Variants in IQCH observed in about 807,000 individuals in gnomAD.
IQCH encodes IQ domain-containing protein H.
A neutral mutation model predicts 117.0 loss-of-function variants in IQCH; 98 were observed. The observed-to-expected ratio is 0.84, with a 90% CI of 0.71 to 0.99. The LOEUF (loss-of-function observed/expected upper bound fraction) is 0.99. Among genes scored for constraint, IQCH ranks in the 50% least tolerant of loss-of-function variants. IQCH has a pLI of 0.00. For synonymous variants in IQCH, 412 were observed against 448.2 expected, an observed-to-expected ratio of 0.92 and a Z score of 1.02; for missense variants, 1,102 against 1,243.8, an observed-to-expected ratio of 0.89 and a Z score of 1.72.
chr15:67,381,979 C>CAA lies in IQCH; in HGVS notation c.1373-2945_1373-2944dup, dbSNP rs35152038. Among the ~76,000 whole-genome samples, 581 of 142,528 alleles carry CAA rather than the reference C, an allele frequency of 4.1e-3. 4 individuals are homozygous for CAA. Among genetic ancestry groups the CAA allele is most frequent in the African/African-American group, 0.013 (498 of 38,360 alleles). The allele number at this position is 142,528 out of a possible 152,430, so 93.5% of individuals were successfully genotyped here. A position where few individuals can be genotyped will look rare whatever the true frequency, so the allele number is the denominator to read the frequency against. On this transcript the variant is annotated intron_variant, in intron 10 of 20. Coordinates refer to ENST00000335894, the MANE Select transcript of IQCH (RefSeq NM_001031715.3). This position sits in a 1 kb window ranked among gnomAD's most constrained non-coding sequence, Gnocchi z 5.1. ...CCTGGGCAACAGAGTGATACCCTGT[C>CAA]AAAAAAAAAAAAAGAATTAAAAGAT...
At chr15:67,418,815 T>G (rs2081646867) in intron 15 of IQCH, among the ~76,000 whole-genome samples, 1 of 151,862 alleles carries the variant, frequency 6.6e-6, no homozygotes, top group Non-Finnish European at 1.5e-5. Flanking sequence ...TGACCTAAGG[T>G]GATCCGCCCG....
At chr15:67,371,978 G>A (rs1970549475) in intron 8 of IQCH, 133 bp from the exon 9 acceptor site, 1 of 762,028 alleles carries the variant, frequency 1.3e-6, no homozygotes, top group Non-Finnish European at 2.1e-6. Context: ...TGACGTGTGT[G>A]TTAAATCAGT....
rs1966256631 is a variant in IQCH, at chr15:67,279,385, TCTTA to T, written c.270-5_270-2del. 1.4e-6 allele frequency: 2 copies of T among 1,398,658 alleles called. No homozygotes were observed. The highest frequency in any genetic ancestry group is 1.0e-6 in the Non-Finnish European group (1 of 996,262). The allele number at this position is 1,398,658 out of a possible 1,614,324, so 86.6% of individuals were successfully genotyped here. On this transcript the variant is annotated splice_region_variant and splice_polypyrimidine_tract_variant and intron_variant, in intron 3 of 20. Coordinates refer to ENST00000335894, the MANE Select transcript of IQCH (RefSeq NM_001031715.3). ...AAATTTGATTTTAAATTCCATTTCT[TCTTA>T]CTTAGGTTACTTCCAACTGTAATTG...
In IQCH at chr15:67,372,212, A is replaced by T; in HGVS notation, c.855A>T (p.Leu285Phe). 1 of 1,614,112 alleles carries T rather than the reference A, an allele frequency of 6.2e-7. No individual in the cohort carries two copies. Among genetic ancestry groups the T allele is most frequent in the South Asian group, 1.1e-5 (1 of 91,080 alleles). Residue 285 changes from leucine (L) to phenylalanine (F), a missense_variant, in exon 9 of 21, where the codon TTA (leucine) becomes TTT (phenylalanine). Leu to Phe is a conservative substitution (Grantham distance 22). Around this residue, in one of 2 missense-constraint regions of IQCH, gnomAD observed 452 missense variants for 449.6 expected, o/e 1.01. Transcript: ENST00000335894. ...TAGACAATACAGCCCCAGACTTCTT[A>T]GCATTCAAGGAACATTTTAGCTTAG... Reference protein sequence around the residue: ...GVIDNTAPDFLAFKEHFSLAW... With the variant: ...GVIDNTAPDFFAFKEHFSLAW...
intron 4 of IQCH, among the ~76,000 whole-genome samples, chr15:67,283,683 A>T (rs537183875): frequency 6.6e-6 from 1 of 152,234 alleles, no homozygotes; most frequent in East Asian, 1.9e-4. Flanking sequence ...CCATTTCATT[A>T]TATATCCATT....
chr15:67,289,733 T>G (rs574048346), intron 4 of IQCH, among the ~76,000 whole-genome samples: 1 of 152,144 alleles, frequency 6.6e-6, no homozygotes, highest in African/African-American at 2.4e-5. Flanking sequence ...TTTGCTCTTA[T>G]CAACATTTAG....
chr15:67,482,048 A>T (rs184597968), intron 18 of IQCH, among the ~76,000 whole-genome samples: 11 of 152,344 alleles, frequency 7.2e-5, no homozygotes, highest in Non-Finnish European at 1.5e-4. Flanking sequence ...ACATGGCAAG[A>T]TCCCATCTCT....
chr15:67,438,118 G>T (rs571499721), intron 16 of IQCH, among the ~76,000 whole-genome samples: 1 of 152,134 alleles, frequency 6.6e-6, no homozygotes, highest in African/African-American at 2.4e-5. Context: ...AATTTAAGAC[G>T]AAGGAAAGAA....
At chr15:67,410,165 T>A (rs1041093804) in intron 14 of IQCH, among the ~76,000 whole-genome samples, 8 of 152,224 alleles carry the variant, frequency 5.3e-5, no homozygotes, top group African/African-American at 1.7e-4. Flanking sequence ...GATACACAGG[T>A]TGATTCCCCC....
Position 67,427,441 on chromosome 15 carries a change from C to T in IQCH, c.2505+5864C>T, listed in dbSNP as rs1221637142. On this transcript the variant is annotated intron_variant, in intron 16 of 20. Transcript: ENST00000335894. This position sits in a 1 kb window ranked among gnomAD's most constrained non-coding sequence, Gnocchi z 4.7. Reference sequence around the variant, plus strand: ...ATGTTGCCCAGGCTGGTTTTGAACTCCTGGCCTTGAGCCATCCTCCTGCCT... The same window carrying T: ...ATGTTGCCCAGGCTGGTTTTGAACTTCTGGCCTTGAGCCATCCTCCTGCCT... 6.6e-6 allele frequency among the ~76,000 whole-genome samples: 1 copy of T among 151,534 alleles called. No homozygotes were observed. The highest frequency in any genetic ancestry group is 1.5e-5 in the Non-Finnish European group (1 of 67,876).
At position 67,479,234 on chromosome 15, in the gene IQCH, A is replaced by C. The variant is rs969141764; in HGVS notation, c.2799+3416A>C. Among the ~76,000 whole-genome samples, 1 of 152,200 alleles carries C rather than the reference A, an allele frequency of 6.6e-6. No individual in the cohort carries two copies. Among genetic ancestry groups the C allele is most frequent in the African/African-American group, 2.4e-5 (1 of 41,446 alleles). On this transcript the variant is annotated intron_variant, in intron 18 of 20. Transcript: ENST00000335894. This position sits in a 1 kb window ranked among gnomAD's most constrained non-coding sequence, Gnocchi z 4.6. The stretch of plus-strand genomic sequence containing the variant: ...CTCATTTATTCTTCATGCCTGTCCT[A>C]TAAGAAGGTGTTATTTCTACCATAT...
At chr15:67,470,306 TAGCTGGGACTAC>T (rs1176439382) in intron 17 of IQCH, among the ~76,000 whole-genome samples, 4 of 152,218 alleles carry the variant, frequency 2.6e-5, no homozygotes, top group Admixed American at 6.5e-5. Context: ...GCCTCCCGAG[TAGCTGGGACTAC>T]AGGCGCCCGC....
chr15:67,302,888 ATGCTATT>A, intron 4 of IQCH, among the ~76,000 whole-genome samples: 1 of 152,126 alleles, frequency 6.6e-6, no homozygotes, highest in Non-Finnish European at 1.5e-5. Context: ...ACAAAAAACC[ATGCTATT>A]AAAAAGTAAA....
rs146549082 is a variant in IQCH, at chr15:67,418,023, CT to C, written c.2218+976del. Among the ~76,000 whole-genome samples, 89 of 152,268 alleles carry C rather than the reference CT, an allele frequency of 5.8e-4. 6 individuals carry two copies. In the East Asian group the frequency reaches 6.0e-3, roughly 10 times the overall value. ...ACTCTTCTAAGTATATCTATGTTAA[CT>C]TTTCAAAGCTTCCTACCCATCCTAT... On this transcript the variant is annotated intron_variant, in intron 15 of 20. Coordinates refer to ENST00000335894, the MANE Select transcript of IQCH (RefSeq NM_001031715.3).
chr15:67,298,827 C>T (rs1966883067), intron 4 of IQCH, among the ~76,000 whole-genome samples: 1 of 151,806 alleles, frequency 6.6e-6, no homozygotes, highest in Admixed American at 6.6e-5. Flanking sequence ...GATTGTGCCA[C>T]TGTGCTCCAG....
chr15:67,338,239 C>CTATCTATCTATCTATCTATT (rs756279870), intron 5 of IQCH, among the ~76,000 whole-genome samples: 1 of 149,842 alleles, frequency 6.7e-6, no homozygotes, highest in African/African-American at 2.5e-5. Context: ...ATCTATCTAT[C>CTATCTATCTATCTATCTATT]TATCTATCTG....
intron 18 of IQCH, among the ~76,000 whole-genome samples, chr15:67,489,754 C>G (rs975924336): frequency 6.6e-6 from 1 of 151,456 alleles, no homozygotes; most frequent in Non-Finnish European, 1.5e-5. Context: ...CATGAAAATG[C>G]CTTTTTAACA....
intron 4 of IQCH, among the ~76,000 whole-genome samples, chr15:67,306,069 AT>A (rs942172513): frequency 1.8e-4 from 27 of 152,142 alleles, no homozygotes; most frequent in African/African-American, 6.5e-4. Flanking sequence ...CATTGTGTAT[AT>A]TTTTTTCAAA....
rs1969478675 is a variant in IQCH at position 67,347,898 on chromosome 15, TATAG to T, written c.637+3709_637+3712del. Among the ~76,000 whole-genome samples, 4 of 147,736 alleles carry T rather than the reference TATAG, an allele frequency of 2.7e-5. No homozygotes were observed. In the South Asian group the frequency reaches 6.3e-4, roughly 23 times the overall value. On this transcript the variant is annotated intron_variant, in intron 6 of 20. Coordinates refer to ENST00000335894, the MANE Select transcript of IQCH (RefSeq NM_001031715.3). ...ATATATAGATATATATGTTTATATATATAGAGAGAGATTATGTATTTTATATATA... is the reference window on the plus strand; with the variant it reads ...ATATATAGATATATATGTTTATATATAGAGAGATTATGTATTTTATATATA...
Sources: gnomAD v4.1 joint callset for allele counts (sites outside exome capture counted in the v4.1 genomes callset) on GRCh38, gnomAD v4.1.1 for gene constraint, gnomAD v4.1.1 regional missense constraint, Gnocchi (gnomAD v3.1) non-coding constraint, MANE v1.5 for transcripts, NCBI Gene and HGNC (gene_info 2026-07-23, HGNC 2026-07-21) for gene names.